The following EPHA3 variants were observed in gnomAD, a reference collection of about 807,000 sequenced individuals.
EPHA3 encodes EPH receptor A3.
EPHA3 carries 42 observed loss-of-function variants against 107.1 expected under a neutral mutation model. The observed-to-expected ratio is 0.39, with a 90% confidence interval of 0.31 to 0.51. EPHA3 has a LOEUF of 0.51. Among genes scored for constraint, EPHA3 ranks in the 20% least tolerant of loss-of-function variants. The pLI is 0.78. For synonymous variants in EPHA3, 461 were observed against 424.8 expected (o/e 1.09, Z -1.05); for missense variants, 1,183 against 1,211.2 (o/e 0.98, Z 0.35).
intron 3 of EPHA3, among the ~76,000 whole-genome samples, chr3:89,237,978 C>CA (rs1348990497): frequency 7.4e-6 from 1 of 135,646 alleles, no homozygotes; most frequent in Admixed American, 7.7e-5. Context: ...GACCATGTCT[C>CA]AGGAAAAAAA....
chr3:89,291,419 A>G (rs1316834623), intron 3 of EPHA3, among the ~76,000 whole-genome samples: 1 of 152,166 alleles, frequency 6.6e-6, no homozygotes, highest in Non-Finnish European at 1.5e-5. Flanking sequence ...ATTTCAAAGT[A>G]TTATCTAGAA....
chr3:89,400,139 T>A, intron 7 of EPHA3: 1 of 819,788 alleles, frequency 1.2e-6, no homozygotes, highest in Non-Finnish European at 1.5e-6. Flanking sequence ...ATGGCACTAA[T>A]ATAAAATGAG....
At chr3:89,318,126 C>A (rs1706952759) in intron 3 of EPHA3, among the ~76,000 whole-genome samples, 1 of 151,798 alleles carries the variant, frequency 6.6e-6, no homozygotes, top group Non-Finnish European at 1.5e-5. Flanking sequence ...TTTGGAAAAA[C>A]CTTGGATCAT....
intron 2 of EPHA3, among the ~76,000 whole-genome samples, chr3:89,193,189 A>G (rs1395411511): frequency 6.6e-6 from 1 of 151,960 alleles, no homozygotes; most frequent in Non-Finnish European, 1.5e-5. Flanking sequence ...ATCATTTGAG[A>G]TGCCACCCAA....
At chr3:89,250,918 A>G (rs1206874138) in intron 3 of EPHA3, among the ~76,000 whole-genome samples, 2 of 152,200 alleles carry the variant, frequency 1.3e-5, no homozygotes, top group Non-Finnish European at 2.9e-5. Context: ...CACAAGCAGC[A>G]TTAGTCATGT....
At chr3:89,348,065 T>C (rs1220404744) in intron 5 of EPHA3, among the ~76,000 whole-genome samples, 1 of 149,942 alleles carries the variant, frequency 6.7e-6, no homozygotes, top group Non-Finnish European at 1.5e-5. Context: ...AGGATATTGG[T>C]CTAAAATTCT....
intron 1 of EPHA3, among the ~76,000 whole-genome samples, chr3:89,111,922 A>G (rs553488753): frequency 6.6e-6 from 1 of 152,126 alleles, no homozygotes; most frequent in Non-Finnish European, 1.5e-5. Flanking sequence ...TAATAACAAT[A>G]GATTTATCAA....
At chr3:89,252,676 A>C (rs1705192022) in intron 3 of EPHA3, among the ~76,000 whole-genome samples, 1 of 151,998 alleles carries the variant, frequency 6.6e-6, no homozygotes, top group South Asian at 2.1e-4. Context: ...GGGGCAGTTC[A>C]CTGTGATTAT....
chr3:89,150,229 T>C (rs1162422153), intron 2 of EPHA3, among the ~76,000 whole-genome samples: 2 of 152,016 alleles, frequency 1.3e-5, no homozygotes, highest in Non-Finnish European at 2.9e-5. Context: ...AAAGTCTAAG[T>C]GGTAGCCAAC....
intron 3 of EPHA3, among the ~76,000 whole-genome samples, chr3:89,223,301 G>C (rs1457685218): frequency 2.0e-5 from 3 of 152,140 alleles, no homozygotes; most frequent in Non-Finnish European, 4.4e-5. Context: ...AGGCTGAAAG[G>C]AAATGCTGAC....
chr3:89,155,909 G>A (rs1704795274), intron 2 of EPHA3, among the ~76,000 whole-genome samples: 1 of 151,966 alleles, frequency 6.6e-6, no homozygotes, highest in South Asian at 2.1e-4. Context: ...AGTAATTACA[G>A]CTGTCAGTTC....
At chr3:89,295,532 G>A (rs189245205) in intron 3 of EPHA3, among the ~76,000 whole-genome samples, 87 of 152,182 alleles carry the variant, frequency 5.7e-4, no homozygotes, top group African/African-American at 2.1e-3. Flanking sequence ...CTCAAACCCT[G>A]CTTCTGGTTT....
At chr3:89,343,560 G>T (rs944611789) in intron 5 of EPHA3, among the ~76,000 whole-genome samples, 9 of 152,168 alleles carry the variant, frequency 5.9e-5, no homozygotes, top group African/African-American at 2.2e-4. Flanking sequence ...AGGGGCCCCT[G>T]TCTTCCCCAT....
chr3:89,328,105 G>T (rs972327883), intron 3 of EPHA3, among the ~76,000 whole-genome samples: 2 of 151,256 alleles, frequency 1.3e-5, no homozygotes, highest in African/African-American at 4.9e-5. Flanking sequence ...CTCAAAAAAA[G>T]AAAAAAAGAA....
intron 2 of EPHA3, among the ~76,000 whole-genome samples, chr3:89,172,287 CAA>C (rs1398461008): frequency 6.6e-6 from 1 of 152,044 alleles, no homozygotes; most frequent in Admixed American, 6.6e-5. Flanking sequence ...ATTGTGTGCC[CAA>C]ACCTTGTCAG....
chr3:89,127,079 TAG>T (rs2106974026), intron 1 of EPHA3, 128 bp from the exon 2 acceptor site: 1 of 686,472 alleles, frequency 1.5e-6, no homozygotes, highest in South Asian at 1.8e-5. Flanking sequence ...ATCCTAATTA[TAG>T]ACTTATAATG....
intron 2 of EPHA3, among the ~76,000 whole-genome samples, chr3:89,141,775 A>G (rs1363792266): frequency 1.3e-5 from 2 of 151,544 alleles, no homozygotes; most frequent in African/African-American, 4.8e-5. Context: ...GAATATATCT[A>G]TGTATACATC....
chr3:89,183,520 A>G (rs903757379), intron 2 of EPHA3, among the ~76,000 whole-genome samples: 6 of 151,908 alleles, frequency 3.9e-5, no homozygotes, highest in African/African-American at 1.2e-4. Context: ...CTTTTGCCTC[A>G]CCTTCCTCTC....
chr3:89,474,890 T>C (rs550310696), intron 16 of EPHA3, among the ~76,000 whole-genome samples: 9 of 152,336 alleles, frequency 5.9e-5, no homozygotes, highest in African/African-American at 7.2e-5. Context: ...CCTGTGAATA[T>C]ACATTCAAGA....
Sources: allele counts gnomAD v4.1 joint callset (sites outside exome capture counted in the v4.1 genomes callset), GRCh38; gene constraint gnomAD v4.1.1; transcripts MANE v1.5; gene names NCBI Gene and HGNC (gene_info 2026-07-23, HGNC 2026-07-21).